The following PPP2R2B variants were observed in gnomAD, a reference collection of about 807,000 sequenced individuals.
PPP2R2B encodes the protein serine/threonine-protein phosphatase 2A 55 kDa regulatory subunit B beta isoform.
Under a neutral mutation model 46.0 loss-of-function variants are expected in PPP2R2B, and 5 were observed. That is an observed-to-expected ratio of 0.11 (90% CI 0.06 to 0.23). The LOEUF (loss-of-function observed/expected upper bound fraction) is 0.23, where lower values mean the gene tolerates loss of function less well. Ranked by LOEUF, PPP2R2B falls within the 10% of genes least tolerant of loss-of-function variation. The pLI is 1.00. For missense variants in PPP2R2B, 367 were observed against 575.0 expected, an observed-to-expected ratio of 0.64 and a Z score of 3.70; for synonymous variants, 215 against 206.7, an observed-to-expected ratio of 1.04 and a Z score of -0.34.
At chr5:146,680,530 A>G (rs1222163088) in intron 5 of PPP2R2B, among the ~76,000 whole-genome samples, 4 of 152,038 alleles carry the variant, frequency 2.6e-5, no homozygotes, top group African/African-American at 4.8e-5. Context: ...ATGTACCCTA[A>G]AACTTAAAGT....
intron 7 of PPP2R2B, among the ~76,000 whole-genome samples, chr5:146,631,766 G>A (rs1037864353): frequency 6.6e-6 from 1 of 152,136 alleles, no homozygotes; most frequent in African/African-American, 2.4e-5. Flanking sequence ...TGAAACTGTC[G>A]AGACCCAATG....
chr5:146,596,357 A>G (rs1771169532), intron 8 of PPP2R2B, among the ~76,000 whole-genome samples: 1 of 152,230 alleles, frequency 6.6e-6, no homozygotes, highest in Non-Finnish European at 1.5e-5. Flanking sequence ...CAGGGCAGGC[A>G]TTATTAACTG....
At chr5:146,887,414 C>G (rs1265461078) in intron 1 of PPP2R2B, among the ~76,000 whole-genome samples, 1 of 151,872 alleles carries the variant, frequency 6.6e-6, no homozygotes, top group Non-Finnish European at 1.5e-5. Flanking sequence ...ATGCTAAAAC[C>G]AAACCAAATA....
At chr5:146,809,529 C>T (rs1474734702) in intron 2 of PPP2R2B, among the ~76,000 whole-genome samples, 2 of 151,686 alleles carry the variant, frequency 1.3e-5, no homozygotes, top group African/African-American at 4.8e-5. Flanking sequence ...AGAAAGGAGG[C>T]CTTATTTAGA....
At chr5:147,050,272 A>T (rs1561599831) in intron 1 of PPP2R2B, among the ~76,000 whole-genome samples, 1 of 152,178 alleles carries the variant, frequency 6.6e-6, no homozygotes, top group Non-Finnish European at 1.5e-5. Flanking sequence ...CATGTTACAG[A>T]CAAATGCCGT....
intron 1 of PPP2R2B, among the ~76,000 whole-genome samples, chr5:146,946,685 G>A (rs1764493037): frequency 6.6e-6 from 1 of 152,084 alleles, no homozygotes; most frequent in Admixed American, 6.6e-5. Context: ...AATTTGCATT[G>A]CAAATTGAGA....
At chr5:146,916,985 GAAGT>G (rs1182060893) in intron 1 of PPP2R2B, among the ~76,000 whole-genome samples, 3 of 152,100 alleles carry the variant, frequency 2.0e-5, no homozygotes, top group Non-Finnish European at 2.9e-5. Context: ...ATTTTTGTGA[GAAGT>G]AAGAAAACGA....
Position 146,877,998 on chromosome 5 carries a change from T to G in PPP2R2B, c.70+4A>C, listed in dbSNP as rs1319743796. On this transcript the variant is annotated splice_donor_region_variant and intron_variant, in intron 2 of 9. Coordinates refer to ENST00000394411, the MANE Select transcript of PPP2R2B (RefSeq NM_181675.4). The stretch of plus-strand genomic sequence containing the variant: ...ACGGCGGAATGCGGCGGGGCTGGCG[T>G]TACCTTCGGTCGCATAGCTGTGGTC... 1 of 1,610,554 alleles carries G rather than the reference T, an allele frequency of 6.2e-7. No homozygotes were observed. Among genetic ancestry groups the G allele is most frequent in the South Asian group, 1.1e-5 (1 of 90,888 alleles).
intron 1 of PPP2R2B, among the ~76,000 whole-genome samples, chr5:146,925,154 T>C (rs1163097878): frequency 6.6e-6 from 1 of 152,222 alleles, no homozygotes; most frequent in Admixed American, 6.5e-5. Context: ...CACACAGTCC[T>C]ATGTCTTTTA....
At chr5:146,770,717 A>T (rs2151269306) in intron 2 of PPP2R2B, among the ~76,000 whole-genome samples, 1 of 152,240 alleles carries the variant, frequency 6.6e-6, no homozygotes, top group Admixed American at 6.5e-5. Context: ...ATCACACAGG[A>T]GGTGTCGTCT....
In PPP2R2B at chr5:146,589,866, A is replaced by G; in HGVS notation, c.*81T>C. The G allele has an allele frequency of 7.3e-7, 1 of 1,379,192 alleles. No homozygotes were observed. The highest frequency in any genetic ancestry group is 1.0e-6 in the Non-Finnish European group (1 of 997,318). The allele number at this position is 1,379,192 out of a possible 1,614,324, so 85.4% of individuals were successfully genotyped here. A position where few individuals can be genotyped will look rare whatever the true frequency, so the allele number is the denominator to read the frequency against. On this transcript the variant is annotated 3_prime_UTR_variant, in exon 10 of 10. Coordinates refer to ENST00000394411, the MANE Select transcript of PPP2R2B (RefSeq NM_181675.4). ...ATAGGGAAATTAAAGTCAATGCATCAAATGAAGACCCAAAGAAACATTTAA... is the reference window on the plus strand; with the variant it reads ...ATAGGGAAATTAAAGTCAATGCATCGAATGAAGACCCAAAGAAACATTTAA...
At chr5:146,694,965 T>G (rs1397430149) in intron 4 of PPP2R2B, among the ~76,000 whole-genome samples, 1 of 152,098 alleles carries the variant, frequency 6.6e-6, no homozygotes, top group Non-Finnish European at 1.5e-5. Context: ...TATAACGTAT[T>G]GCATATATGA....
At chr5:147,071,257 A>G (rs2151911179) in intron 2 of PPP2R2B, among the ~76,000 whole-genome samples, 1 of 152,278 alleles carries the variant, frequency 6.6e-6, no homozygotes, top group Non-Finnish European at 1.5e-5. Flanking sequence ...TAGGGAATTT[A>G]TCAGCTCTGG....
chr5:146,940,680 C>T (rs991181205), intron 1 of PPP2R2B, among the ~76,000 whole-genome samples: 1 of 152,102 alleles, frequency 6.6e-6, no homozygotes, highest in Non-Finnish European at 1.5e-5. Context: ...ATTGGGTTTC[C>T]GTCATTTGAA....
intron 2 of PPP2R2B, among the ~76,000 whole-genome samples, chr5:146,830,429 T>C (rs533819611): frequency 6.6e-6 from 1 of 152,272 alleles, no homozygotes; most frequent in South Asian, 2.1e-4. Context: ...CAACCAACAG[T>C]ACCCGAACCT....
rs572423500 is a variant in PPP2R2B, at chr5:146,852,997, TTTGTGCTGAGCAG to T, written c.70+24992_70+25004del. 1.9e-4 allele frequency among the ~76,000 whole-genome samples: 29 copies of T among 152,226 alleles called. No individual in the cohort carries two copies. The East Asian group carries it at 1.9e-3, about 10-fold the overall frequency. ...GATAATTGCCAAGCCTCCATTTCAT[TTTGTGCTGAGCAG>T]TCGTCACAGAGGGGCATGGAGTGAT... is the stretch of plus-strand genomic sequence containing the variant. On this transcript the variant is annotated intron_variant, in intron 2 of 9. Coordinates refer to ENST00000394411, the MANE Select transcript of PPP2R2B (RefSeq NM_181675.4).
intron 2 of PPP2R2B, among the ~76,000 whole-genome samples, chr5:146,787,780 C>T (rs1213990914): frequency 6.6e-6 from 1 of 152,146 alleles, no homozygotes. Flanking sequence ...GTTGGTCAGG[C>T]TAGTCTCGAA....
intron 2 of PPP2R2B, among the ~76,000 whole-genome samples, chr5:146,873,795 T>C (rs941526710): frequency 1.3e-5 from 2 of 152,174 alleles, no homozygotes; most frequent in African/African-American, 4.8e-5. Flanking sequence ...CATTTTATAC[T>C]TGCTTTATCA....
chr5:146,924,557 AGCCTCTTGCTTTTTATTAG>A (rs1763717346), intron 1 of PPP2R2B, among the ~76,000 whole-genome samples: 1 of 152,174 alleles, frequency 6.6e-6, no homozygotes, highest in Admixed American at 6.5e-5. Flanking sequence ...GGGATACAGT[AGCCTCTTGCTTTTTATTAG>A]GGCCAGCTTC....
Sources: gnomAD v4.1 joint callset for allele counts (sites outside exome capture counted in the v4.1 genomes callset) on GRCh38, gnomAD v4.1.1 for gene constraint, MANE v1.5 for transcripts, NCBI Gene and HGNC (gene_info 2026-07-23, HGNC 2026-07-21) for gene names.